The following RASA1 variants were observed in gnomAD, a reference collection of about 807,000 sequenced individuals.
The protein encoded by RASA1 is RAS p21 protein activator 1, also known as ras GTPase-activating protein 1.
In RASA1, 25 loss-of-function variants were observed where a neutral mutation model predicts 132.2. That is an observed-to-expected ratio of 0.19 (90% confidence interval 0.14 to 0.26). RASA1 has a LOEUF of 0.26. Ranked by LOEUF, RASA1 falls within the 10% of genes least tolerant of loss-of-function variation. The pLI is 1.00. For synonymous variants in RASA1, 477 were observed against 449.9 expected (o/e 1.06, Z -0.76); for missense variants, 964 against 1,299.2 (o/e 0.74, Z 3.97).
chr5:87,310,642 C>T lies in RASA1; in HGVS notation c.540-20706C>T, dbSNP rs530166574. ...TCAAGAAAGTGGTTGGAATGGCTTTCCTGGTATTGATAGTCTCTTCTAGTC... is the reference window on the plus strand; with the variant it reads ...TCAAGAAAGTGGTTGGAATGGCTTTTCTGGTATTGATAGTCTCTTCTAGTC... On this transcript the variant is annotated intron_variant, in intron 1 of 24. Coordinates refer to ENST00000274376, the MANE Select transcript of RASA1 (RefSeq NM_002890.3). Among the ~76,000 whole-genome samples, 463 of 152,238 alleles carry T rather than the reference C, an allele frequency of 3.0e-3. 3 individuals carry two copies. Among genetic ancestry groups the T allele is most frequent in the African/African-American group, 0.011 (447 of 41,548 alleles).
chr5:87,348,402 A>C (rs1282288050), intron 7 of RASA1, among the ~76,000 whole-genome samples: 3 of 152,044 alleles, frequency 2.0e-5, no homozygotes, highest in Non-Finnish European at 4.4e-5. Flanking sequence ...GAAAAGGCAG[A>C]GCATCTATGT....
chr5:87,338,536 A>ATATATATATATATATATATATATT, intron 5 of RASA1, among the ~76,000 whole-genome samples: 14 of 85,208 alleles, frequency 1.6e-4, no homozygotes, highest in East Asian at 9.9e-4. Flanking sequence ...TATATATAAA[A>ATATATATATATATATATATATATT]TTTTTTTTTT....
At chr5:87,342,750 T>A (rs991573798) in intron 6 of RASA1, among the ~76,000 whole-genome samples, 3 of 152,154 alleles carry the variant, frequency 2.0e-5, no homozygotes, top group African/African-American at 7.2e-5. Flanking sequence ...TCACTTTGTC[T>A]AGTTGTCTAG....
chr5:87,354,836 A>T (rs1759532523), intron 9 of RASA1, among the ~76,000 whole-genome samples: 1 of 152,212 alleles, frequency 6.6e-6, no homozygotes, highest in African/African-American at 2.4e-5. Context: ...AATGATTAAT[A>T]AAGTGAAACA....
At chr5:87,325,294 CAT>C (rs958797259) in intron 1 of RASA1, among the ~76,000 whole-genome samples, 3 of 152,166 alleles carry the variant, frequency 2.0e-5, no homozygotes, top group Admixed American at 6.6e-5. Context: ...CCACCCACAA[CAT>C]GTGGGGATTA....
At chr5:87,285,604 CTCTTTT>C (rs758911300) in intron 1 of RASA1, among the ~76,000 whole-genome samples, 12 of 146,466 alleles carry the variant, frequency 8.2e-5, no homozygotes, top group South Asian at 2.1e-4. Context: ...TTCAGTCAGT[CTCTTTT>C]TCTTTTTCTT....
intron 1 of RASA1, among the ~76,000 whole-genome samples, chr5:87,292,594 T>A (rs1010645596): frequency 1.6e-4 from 25 of 152,154 alleles, no homozygotes; most frequent in African/African-American, 4.3e-4. Flanking sequence ...GTAGTGTCAA[T>A]CCCTCCGACT....
intron 1 of RASA1, among the ~76,000 whole-genome samples, chr5:87,323,313 G>T (rs1381692361): frequency 6.6e-6 from 1 of 152,082 alleles, no homozygotes; most frequent in Non-Finnish European, 1.5e-5. Context: ...CGCATAATAG[G>T]AGCTTAAAAA....
intron 15 of RASA1, chr5:87,376,178 T>C: frequency 1.7e-6 from 1 of 597,226 alleles, no homozygotes; most frequent in South Asian, 2.0e-5. Context: ...AGAACACATC[T>C]CAATCATCTC....
intron 5 of RASA1, among the ~76,000 whole-genome samples, chr5:87,338,789 T>A (rs894313734): frequency 2.0e-5 from 3 of 151,740 alleles, no homozygotes; most frequent in Non-Finnish European, 4.4e-5. Flanking sequence ...AGATTCTTTA[T>A]CTTTCAAATA....
At chr5:87,315,312 TAAC>T (rs1487789398) in intron 1 of RASA1, among the ~76,000 whole-genome samples, 1 of 152,178 alleles carries the variant, frequency 6.6e-6, no homozygotes, top group African/African-American at 2.4e-5. Context: ...AGCTACATAA[TAAC>T]AAAGTGCAGG....
rs771505620 is a variant in RASA1, at chr5:87,362,703, G to C, written c.1453+32G>C. 2.5e-6 allele frequency: 4 copies of C among 1,591,628 alleles called. No individual in the cohort carries two copies. In the Admixed American group the frequency reaches 6.7e-5, roughly 27 times the overall value. On this transcript the variant is annotated intron_variant, in intron 10 of 24. Transcript: ENST00000274376. The stretch of plus-strand genomic sequence containing the variant: ...TCAGACTTTTATCATTAACCCATTT[G>C]ATAGAGACGTTGTAAATATGGAGCT...
At chr5:87,282,491 A>C (rs962777985) in intron 1 of RASA1, among the ~76,000 whole-genome samples, 2 of 152,048 alleles carry the variant, frequency 1.3e-5, no homozygotes, top group Non-Finnish European at 1.5e-5. Flanking sequence ...TTGCTTTCAA[A>C]ATCTTTATCT....
At chr5:87,314,962 C>A (rs1363330923) in intron 1 of RASA1, among the ~76,000 whole-genome samples, 2 of 152,096 alleles carry the variant, frequency 1.3e-5, no homozygotes, top group Non-Finnish European at 2.9e-5. Context: ...TTCAGAGATC[C>A]TAAATAAAAC....
Position 87,268,532 on chromosome 5 carries a change from C to A in RASA1, c.81C>A (p.Ser27=). The change falls in exon 1 of 25, where the codon TCC becomes TCA. Residue 27 remains serine, a synonymous_variant. Coordinates refer to ENST00000274376, the MANE Select transcript of RASA1 (RefSeq NM_002890.3). ...GAGGGGAAAG[S]SAYPAVCRVK... is the part of the protein sequence containing the mutation. Reference sequence around the variant, plus strand: ...GAGGAGGCGGCGCGGCAGCGGGCTCCAGTGCCTATCCCGCAGTGTGTCGGG... The same window carrying A: ...GAGGAGGCGGCGCGGCAGCGGGCTCAAGTGCCTATCCCGCAGTGTGTCGGG... 1 of 1,593,558 alleles carries A rather than the reference C, an allele frequency of 6.3e-7. No homozygotes were observed. The highest frequency in any genetic ancestry group is 8.5e-7 in the Non-Finnish European group (1 of 1,171,542).
At chr5:87,296,774 A>G (rs568126141) in intron 1 of RASA1, among the ~76,000 whole-genome samples, 27 of 151,960 alleles carry the variant, frequency 1.8e-4, no homozygotes, top group Non-Finnish European at 3.8e-4. Context: ...GATTTTTAAA[A>G]ATTATTTTTA....
chr5:87,268,406 G>C lies in RASA1; in HGVS notation c.-46G>C. ...CGGAGCCCGGGCCTGGTGGCCCCTG[G>C]GGCTCCCGGGCGGGCAGGGTAGGGC... On this transcript the variant is annotated 5_prime_UTR_variant, in exon 1 of 25. Coordinates refer to ENST00000274376, the MANE Select transcript of RASA1 (RefSeq NM_002890.3). The C allele has an allele frequency of 6.7e-7, 1 of 1,485,864 alleles. No homozygotes were observed. Among genetic ancestry groups the C allele is most frequent in the Non-Finnish European group, 9.0e-7 (1 of 1,114,568 alleles). 92.0% of individuals were successfully genotyped at this position (1,485,864 alleles called of 1,614,324 possible). A position where few individuals can be genotyped will look rare whatever the true frequency, so the allele number is the denominator to read the frequency against.
In RASA1 at chr5:87,378,521, A is replaced by G; in HGVS notation, c.2470A>G (p.Ser824Gly). 1 of 1,611,020 alleles carries G rather than the reference A, an allele frequency of 6.2e-7. No individual in the cohort carries two copies. Among genetic ancestry groups the G allele is most frequent in the Non-Finnish European group, 8.5e-7 (1 of 1,177,286 alleles). Reference protein sequence around the residue: ...LKDSILKIMESKQSCELSPSK... With the variant: ...LKDSILKIMEGKQSCELSPSK... Reference sequence around the variant, plus strand: ...AGACTCTATTTTAAAGATAATGGAAAGCAAGCAGTCTTGTGAGGTAAGAAT... The same window carrying G: ...AGACTCTATTTTAAAGATAATGGAAGGCAAGCAGTCTTGTGAGGTAAGAAT... The change falls in exon 18 of 25, where the codon AGC (serine) becomes GGC (glycine). Residue 824 changes from serine (S) to glycine (G), a missense_variant. Ser to Gly is a moderately conservative substitution (Grantham distance 56). Coordinates refer to ENST00000274376, the MANE Select transcript of RASA1 (RefSeq NM_002890.3).
intron 1 of RASA1, among the ~76,000 whole-genome samples, chr5:87,304,763 G>A (rs951406454): frequency 1.4e-4 from 22 of 152,060 alleles, no homozygotes; most frequent in African/African-American, 3.4e-4. Context: ...CCATCGTGCC[G>A]GCCTATTGTA....
Sources: allele counts gnomAD v4.1 joint callset (sites outside exome capture counted in the v4.1 genomes callset), GRCh38; gene constraint gnomAD v4.1.1; transcripts MANE v1.5; gene names NCBI Gene and HGNC (gene_info 2026-07-23, HGNC 2026-07-21).